The following CCDC90B variants were observed in gnomAD, a reference collection of about 807,000 sequenced individuals.
CCDC90B encodes coiled-coil domain containing 90B, also known as coiled-coil domain-containing protein 90B, mitochondrial.
CCDC90B carries 24 observed loss-of-function variants against 37.0 expected under a neutral mutation model. That is an observed-to-expected ratio of 0.65 (90% CI 0.47 to 0.91). The LOEUF is 0.91. Ranked by LOEUF, CCDC90B falls within the 40% of genes least tolerant of loss-of-function variation. CCDC90B has a pLI of 0.00. For missense variants in CCDC90B, 319 were observed against 299.0 expected (o/e 1.07, Z -0.49); for synonymous variants, 113 against 101.1 (o/e 1.12, Z -0.71).
At position 83,259,277 on chromosome 11, in the gene CCDC90B, C is replaced by G. The variant is rs1189465310; in HGVS notation, c.*2634G>C. On this transcript the variant is annotated 3_prime_UTR_variant, in exon 9 of 9. Transcript: ENST00000529689. The stretch of plus-strand genomic sequence containing the variant: ...CATATAGAAACACAATCCTCTCATC[C>G]TTATTTCATATATTTCCATCACTGA... 1 of 152,112 alleles carries G rather than the reference C, an allele frequency of 6.6e-6. No homozygotes were observed. Among genetic ancestry groups the G allele is most frequent in the Non-Finnish European group, 1.5e-5 (1 of 68,008 alleles). The allele number at this position is 152,112 out of a possible 1,614,324, so 9.4% of individuals were successfully genotyped here.
chr11:83,277,224 A>G (rs1428404098), intron 3 of CCDC90B, among the ~76,000 whole-genome samples: 1 of 152,216 alleles, frequency 6.6e-6, no homozygotes, highest in Non-Finnish European at 1.5e-5. Context: ...CCTATATTAT[A>G]GGTAAACTTA....
intron 7 of CCDC90B, among the ~76,000 whole-genome samples, chr11:83,268,786 C>G (rs1287375240): frequency 6.6e-6 from 1 of 152,172 alleles, no homozygotes; most frequent in African/African-American, 2.4e-5. Flanking sequence ...ACTCTCCAAC[C>G]CAAATCAACA....
At chr11:83,279,691 TTG>T (rs1865271934) in intron 2 of CCDC90B, among the ~76,000 whole-genome samples, 1 of 152,202 alleles carries the variant, frequency 6.6e-6, no homozygotes, top group Non-Finnish European at 1.5e-5. Flanking sequence ...TTTCCCTAAT[TTG>T]TAATGCCTTC....
chr11:83,286,205 C>A lies in CCDC90B; in HGVS notation c.-233G>T, dbSNP rs780539514. On this transcript the variant is annotated 5_prime_UTR_variant, in exon 1 of 9. The change creates a new upstream start codon in the 5' untranslated region. Transcript: ENST00000529689. Reference sequence around the variant, plus strand: ...CGCTGCCCCGCTTCTCCCAGCGCCCCTTCCCGACCTTTGAACGCCTTCACC... The same window carrying A: ...CGCTGCCCCGCTTCTCCCAGCGCCCATTCCCGACCTTTGAACGCCTTCACC... The A allele has an allele frequency of 2.6e-6, 4 of 1,531,450 alleles. No homozygotes were observed. The Middle Eastern group carries it at 7.1e-4, about 273-fold the overall frequency. The allele number at this position is 1,531,450 out of a possible 1,614,324, so 94.9% of individuals were successfully genotyped here.
chr11:83,263,859 T>C (rs549501799), intron 8 of CCDC90B, among the ~76,000 whole-genome samples: 1 of 152,294 alleles, frequency 6.6e-6, no homozygotes, highest in African/African-American at 2.4e-5. Flanking sequence ...GCTATTTTAC[T>C]TGTGCCCCAT....
chr11:83,283,462 T>A (rs1406493662), intron 1 of CCDC90B, among the ~76,000 whole-genome samples: 1 of 152,256 alleles, frequency 6.6e-6, no homozygotes, highest in African/African-American at 2.4e-5. Flanking sequence ...ATTCCTTATA[T>A]GTGCTCAAAT....
At chr11:83,276,552 G>A (rs1030900045) in intron 3 of CCDC90B, among the ~76,000 whole-genome samples, 3 of 152,156 alleles carry the variant, frequency 2.0e-5, no homozygotes, top group Admixed American at 6.5e-5. Flanking sequence ...GTTTTGCCAC[G>A]TTGGCCAGGC....
intron 7 of CCDC90B, among the ~76,000 whole-genome samples, chr11:83,266,234 G>A (rs1252402861): frequency 6.6e-6 from 1 of 152,210 alleles, no homozygotes; most frequent in Non-Finnish European, 1.5e-5. Context: ...GAGGTACCTG[G>A]TTCATCTCAT....
chr11:83,272,712 T>C lies in CCDC90B; in HGVS notation c.594+935A>G, dbSNP rs564958667. ...GAAGTAAGGGAAGAGAATAAGATCT[T>C]TGAAAGAACAAATGTGACCTTCTCT... On this transcript the variant is annotated intron_variant, in intron 7 of 8. Coordinates refer to ENST00000529689, the MANE Select transcript of CCDC90B (RefSeq NM_021825.5). Among the ~76,000 whole-genome samples the C allele has an allele frequency of 2.0e-5, 3 of 152,306 alleles. No individual in the cohort carries two copies. The South Asian group carries it at 6.2e-4, about 32-fold the overall frequency.
intron 2 of CCDC90B, among the ~76,000 whole-genome samples, chr11:83,279,299 A>AG (rs1865242214): frequency 6.6e-6 from 1 of 151,970 alleles, no homozygotes; most frequent in Non-Finnish European, 1.5e-5. Flanking sequence ...CAAAAAAAAA[A>AG]CAAACAAAAA....
At chr11:83,278,949 A>G (rs1565218262) in intron 2 of CCDC90B, 120 bp from the exon 3 acceptor site, 1 of 604,720 alleles carries the variant, frequency 1.7e-6, no homozygotes, top group African/African-American at 1.9e-5. Flanking sequence ...GGTTACAATT[A>G]AAAAATTGAC....
chr11:83,271,146 T>C (rs1009344825), intron 7 of CCDC90B, among the ~76,000 whole-genome samples: 2 of 152,182 alleles, frequency 1.3e-5, no homozygotes, highest in African/African-American at 2.4e-5. Flanking sequence ...AAGACTTAAA[T>C]GTTAGACCTA....
intron 3 of CCDC90B, among the ~76,000 whole-genome samples, chr11:83,277,153 A>G (rs984324347): frequency 7.2e-5 from 11 of 152,238 alleles, no homozygotes; most frequent in Non-Finnish European, 1.5e-4. Context: ...TACCTCTTGT[A>G]TATAGGATTA....
At chr11:83,278,365 T>C (rs751905047) in intron 3 of CCDC90B, among the ~76,000 whole-genome samples, 10 of 152,222 alleles carry the variant, frequency 6.6e-5, no homozygotes, top group Non-Finnish European at 1.5e-4. Flanking sequence ...AATGTGTATG[T>C]ATAGCAGCAA....
intron 7 of CCDC90B, among the ~76,000 whole-genome samples, chr11:83,266,613 G>T (rs1864291557): frequency 6.7e-6 from 1 of 150,196 alleles, no homozygotes; most frequent in African/African-American, 2.5e-5. Context: ...AGCTTGAACT[G>T]GGCTGAGCCC....
At position 83,280,154 on chromosome 11, in the gene CCDC90B, G is replaced by A. The variant is rs765016606; in HGVS notation, c.207C>T (p.Asp69=). The A allele has an allele frequency of 6.2e-7, 1 of 1,611,720 alleles. No individual in the cohort carries two copies. The highest frequency in any genetic ancestry group is 1.1e-5 in the South Asian group (1 of 90,870). The change falls in exon 2 of 9, where the codon GAC becomes GAT. Residue 69 remains aspartate (D), a synonymous_variant. Transcript: ENST00000529689. ...CATGTTTCTCACCATGAGTTTCCAA[G>A]TCCTGAACCAATGCATGGGTATCAA... ...LTFDTHALVQ[D]LETHGFDKTQ...
chr11:83,273,873 A>C lies in CCDC90B; in HGVS notation c.469-9T>G. On this transcript the variant is annotated splice_polypyrimidine_tract_variant and intron_variant, in intron 5 of 8. Transcript: ENST00000529689. Reference sequence around the variant, plus strand: ...ATTCGACTGGTTTCATGCTTTAAAGAAAGCAAAGATATTTAAAAAATGATC... The same window carrying C: ...ATTCGACTGGTTTCATGCTTTAAAGCAAGCAAAGATATTTAAAAAATGATC... The C allele has an allele frequency of 6.2e-7, 1 of 1,602,212 alleles. No individual in the cohort carries two copies. Among genetic ancestry groups the C allele is most frequent in the Non-Finnish European group, 8.5e-7 (1 of 1,175,980 alleles).
At position 83,261,830 on chromosome 11, in the gene CCDC90B, G is replaced by T; in HGVS notation, c.*81C>A. ...TAATCTTGTGTAGTAAATTTTTGCT[G>T]CAACTGACAATGTTCAAAGTAAATC... On this transcript the variant is annotated 3_prime_UTR_variant, in exon 9 of 9. Transcript: ENST00000529689. 2 of 996,606 alleles carry T rather than the reference G, an allele frequency of 2.0e-6. No individual in the cohort carries two copies. The highest frequency in any genetic ancestry group is 3.1e-6 in the Non-Finnish European group (2 of 653,198). 61.7% of individuals were successfully genotyped at this position (996,606 alleles called of 1,614,324 possible). A position where few individuals can be genotyped will look rare whatever the true frequency, so the allele number is the denominator to read the frequency against.
At chr11:83,280,329 G>A (rs2135664901) in intron 1 of CCDC90B, 69 bp from the exon 2 acceptor site, 1 of 1,384,594 alleles carries the variant, frequency 7.2e-7, no homozygotes, top group Non-Finnish European at 1.0e-6. Flanking sequence ...AGCTTACAAA[G>A]CATTTTCCCC....
Sources: gnomAD v4.1 joint callset for allele counts (sites outside exome capture counted in the v4.1 genomes callset) on GRCh38, gnomAD v4.1.1 for gene constraint, MANE v1.5 for transcripts, NCBI Gene and HGNC (gene_info 2026-07-23, HGNC 2026-07-21) for gene names.